ARHGEF9: variants seen among roughly 807,000 people sequenced by gnomAD.
ARHGEF9 encodes Cdc42 guanine nucleotide exchange factor 9.
In ARHGEF9, 2 loss-of-function variants were observed where a neutral mutation model predicts 41.3. The observed-to-expected ratio is 0.05, with a 90% CI of 0.02 to 0.15. ARHGEF9 has a LOEUF of 0.15. Ranked by LOEUF, ARHGEF9 falls within the 10% of genes least tolerant of loss-of-function variation. The pLI is 1.00. For synonymous variants in ARHGEF9, 160 were observed against 154.4 expected, an observed-to-expected ratio of 1.04 and a Z score of -0.27; for missense variants, 225 against 424.7, an observed-to-expected ratio of 0.53 and a Z score of 4.13.
intron 8 of ARHGEF9, 33 bp downstream of exon 8, chrX:63,655,461 C>G: frequency 8.3e-7 from 1 of 1,209,972 alleles, no homozygotes; most frequent in Non-Finnish European, 1.1e-6. Flanking sequence ...TTCTTCATAG[C>G]CATGTTCTTC....
At chrX:63,761,935 G>C (rs782625152) in intron 1 of ARHGEF9, among the ~76,000 whole-genome samples, 6 of 112,019 alleles carry the variant, frequency 5.4e-5, no homozygotes, top group African/African-American at 1.9e-4. Flanking sequence ...GAACTGGTTG[G>C]AAAAGAGCAG....
intron 8 of ARHGEF9, among the ~76,000 whole-genome samples, chrX:63,647,149 C>T (rs1384997168): frequency 3.6e-5 from 4 of 111,631 alleles, no homozygotes; most frequent in South Asian, 7.6e-4. Flanking sequence ...ATGGGGTTTT[C>T]TAGATATATA....
rs201419161 is a variant in ARHGEF9, at chrX:63,732,553, G to A, written c.31-7842C>T. Among the ~76,000 whole-genome samples the A allele has an allele frequency of 1.4e-4, 16 of 111,206 alleles. No individual in the cohort carries two copies. The East Asian group carries it at 4.0e-3, about 28-fold the overall frequency. Reference sequence around the variant, plus strand: ...TCCTCAAGCTATGCCTTAATGATGCGAATCTTAAAGCATTTTTGCTAGTAT... The same window carrying A: ...TCCTCAAGCTATGCCTTAATGATGCAAATCTTAAAGCATTTTTGCTAGTAT... On this transcript the variant is annotated intron_variant, in intron 1 of 9. Transcript: ENST00000671741.
At chrX:63,652,788 T>C (rs1290784474) in intron 8 of ARHGEF9, among the ~76,000 whole-genome samples, 3 of 110,954 alleles carry the variant, frequency 2.7e-5, no homozygotes, top group African/African-American at 9.8e-5. Context: ...GTAATCCCCA[T>C]GTGTTGGGGG....
chrX:63,733,905 A>G (rs2054462868), intron 1 of ARHGEF9, among the ~76,000 whole-genome samples: 1 of 112,139 alleles, frequency 8.9e-6, no homozygotes, highest in Non-Finnish European at 1.9e-5. Flanking sequence ...AAACCCAGAG[A>G]AGCCCCTTAG....
chrX:63,783,455 C>T (rs1602764950), intron 1 of ARHGEF9, among the ~76,000 whole-genome samples: 1 of 110,811 alleles, frequency 9.0e-6, no homozygotes, highest in Admixed American at 9.6e-5. Context: ...GGGGTTTCTC[C>T]ACGTTGGTCA....
chrX:63,680,970 G>T (rs1556368546), intron 4 of ARHGEF9, among the ~76,000 whole-genome samples: 1 of 110,940 alleles, frequency 9.0e-6, no homozygotes, highest in African/African-American at 3.3e-5. Context: ...CTGCTGCTGT[G>T]GTTACTATAG....
chrX:63,644,756 ATTATTAT>A (rs1328621576), intron 8 of ARHGEF9, among the ~76,000 whole-genome samples: 2 of 99,416 alleles, frequency 2.0e-5, no homozygotes, highest in African/African-American at 9.2e-5. Flanking sequence ...TTCTATTATT[ATTATTAT>A]TTTTTTTTTT....
At chrX:63,652,983 T>C (rs1602240086) in intron 8 of ARHGEF9, among the ~76,000 whole-genome samples, 1 of 111,676 alleles carries the variant, frequency 9.0e-6, no homozygotes, top group Non-Finnish European at 1.9e-5. Context: ...ACTATGATTC[T>C]AAATTTCCTG....
intron 2 of ARHGEF9, among the ~76,000 whole-genome samples, chrX:63,723,401 T>C (rs1184335440): frequency 1.5e-4 from 17 of 111,423 alleles, no homozygotes; most frequent in African/African-American, 4.6e-4. Flanking sequence ...ATTCTAATAT[T>C]GGGGCCCTTC....
At chrX:63,730,691 C>T (rs1262469682) in intron 1 of ARHGEF9, among the ~76,000 whole-genome samples, 3 of 111,692 alleles carry the variant, frequency 2.7e-5, no homozygotes, top group East Asian at 2.8e-4. Context: ...TAGTGTAGGC[C>T]CTACCCTTGC....
At chrX:63,773,701 A>T (rs2056241265) in intron 1 of ARHGEF9, among the ~76,000 whole-genome samples, 1 of 112,084 alleles carries the variant, frequency 8.9e-6, no homozygotes, top group Non-Finnish European at 1.9e-5. Flanking sequence ...GAATCAGTAG[A>T]CAAAGTAAAG....
At chrX:63,719,571 C>T (rs1356774364) in intron 2 of ARHGEF9, 1 of 290,843 alleles carries the variant, frequency 3.4e-6, no homozygotes, top group Non-Finnish European at 6.0e-6. Context: ...ACTCTAGAAT[C>T]TAATCCAAAA....
chrX:63,665,775 T>TC, intron 7 of ARHGEF9, 111 bp downstream of exon 7: 3 of 980,544 alleles, frequency 3.1e-6, no homozygotes, highest in Non-Finnish European at 4.2e-6. Flanking sequence ...CTGTCTGTTT[T>TC]CCCCCCATCA....
At chrX:63,702,683 C>T (rs1406508369) in intron 3 of ARHGEF9, among the ~76,000 whole-genome samples, 1 of 111,834 alleles carries the variant, frequency 8.9e-6, no homozygotes, top group Non-Finnish European at 1.9e-5. Flanking sequence ...CTCCCATAAC[C>T]TACAGAAAGA....
chrX:63,672,692 G>C lies in ARHGEF9; in HGVS notation c.945+1346C>G, dbSNP rs782740399. Among the ~76,000 whole-genome samples, 16 of 111,189 alleles carry C rather than the reference G, an allele frequency of 1.4e-4. No homozygotes were observed. In the South Asian group the frequency reaches 4.3e-3, roughly 30 times the overall value. On this transcript the variant is annotated intron_variant, in intron 6 of 9. Coordinates refer to ENST00000671741, the MANE Select transcript of ARHGEF9 (RefSeq NM_001353921.2). ...TTGGGAAGTTGGGGAGATGCTCCAG[G>C]GAATAGGAAGACAACTGCTGCTGGG...
At chrX:63,700,998 A>T (rs181001346) in intron 3 of ARHGEF9, among the ~76,000 whole-genome samples, 182 of 111,803 alleles carry the variant, frequency 1.6e-3, no homozygotes, top group Admixed American at 4.1e-3. Flanking sequence ...ATCAGTCACA[A>T]CTGGCATAAA....
intron 2 of ARHGEF9, among the ~76,000 whole-genome samples, chrX:63,713,295 G>A (rs782713922): frequency 1.8e-5 from 2 of 110,654 alleles, no homozygotes; most frequent in African/African-American, 3.3e-5. Flanking sequence ...GGAAATGGAA[G>A]GTGGACTAGT....
intron 2 of ARHGEF9, among the ~76,000 whole-genome samples, chrX:63,714,567 A>G (rs1343644842): frequency 5.4e-5 from 6 of 112,126 alleles, no homozygotes; most frequent in African/African-American, 1.6e-4. Flanking sequence ...CTGGCTCTAC[A>G]ACTACCTCTG....
Sources: allele counts gnomAD v4.1 joint callset (sites outside exome capture counted in the v4.1 genomes callset), GRCh38; gene constraint gnomAD v4.1.1; transcripts MANE v1.5; gene names NCBI Gene and HGNC (gene_info 2026-07-23, HGNC 2026-07-21).